The following FBXO25 variants were observed in gnomAD, a reference collection of about 807,000 sequenced individuals.
The protein encoded by FBXO25 is F-box protein 25.
FBXO25 carries 45 observed loss-of-function variants against 51.9 expected under a neutral mutation model. The ratio of observed to expected loss-of-function variants is 0.87; its 90% confidence interval spans 0.68 to 1.11. The LOEUF (loss-of-function observed/expected upper bound fraction) is 1.11. Among genes scored for constraint, FBXO25 ranks in the 50% most tolerant of loss-of-function variants. The pLI, the probability that FBXO25 is intolerant of heterozygous loss-of-function variation, is 0.00. For synonymous variants in FBXO25, 199 were observed against 151.0 expected, an observed-to-expected ratio of 1.32 and a Z score of -2.33; for missense variants, 507 against 428.5, an observed-to-expected ratio of 1.18 and a Z score of -1.62.
intron 5 of FBXO25, among the ~76,000 whole-genome samples, chr8:439,330 G>A (rs1292365814): frequency 1.3e-5 from 2 of 152,184 alleles, no homozygotes; most frequent in African/African-American, 2.4e-5. Context: ...AGTGCACGGC[G>A]TGAAAGCTTC....
At position 459,683 on chromosome 8, in the gene FBXO25, A is replaced by G. The variant is rs181629303; in HGVS notation, c.843+1132A>G. Among the ~76,000 whole-genome samples, 47 of 152,298 alleles carry G rather than the reference A, an allele frequency of 3.1e-4. 1 individual carries two copies. The East Asian group carries it at 6.4e-3, about 21-fold the overall frequency. ...GCCACAGGAAGGGGCTGGCCTGAAC[A>G]TGGGCCTCACGGAGTGTGTCTGAGA... On this transcript the variant is annotated intron_variant, in intron 8 of 9. Transcript: ENST00000350302.
intron 2 of FBXO25, among the ~76,000 whole-genome samples, chr8:413,672 G>A (rs796697899): frequency 8.5e-5 from 13 of 152,296 alleles, no homozygotes; most frequent in African/African-American, 3.1e-4. Flanking sequence ...CAAGAGTGCA[G>A]CCTTACCTGC....
At chr8:410,405 A>T (rs545628616) in intron 1 of FBXO25, among the ~76,000 whole-genome samples, 12 of 151,886 alleles carry the variant, frequency 7.9e-5, no homozygotes, top group Admixed American at 6.6e-4. Flanking sequence ...TCTGTTAGCA[A>T]TATTTTTCAG....
At chr8:431,625 A>C (rs1430910048) in intron 3 of FBXO25, among the ~76,000 whole-genome samples, 181 bp downstream of exon 3, 2 of 152,218 alleles carry the variant, frequency 1.3e-5, no homozygotes, top group Non-Finnish European at 2.9e-5. Context: ...TCAGTGGGTA[A>C]GATGTGCAAA....
rs746124972 is a variant in FBXO25 at position 468,696 on chromosome 8, A to G, written c.988-19A>G. On this transcript the variant is annotated intron_variant, in intron 9 of 9. Transcript: ENST00000350302. Reference sequence around the variant, plus strand: ...CTGGTGGTGGGGCCCCCTCCTAACCATCTCCCACCTCCCCACAGGACTCAG... The same window carrying G: ...CTGGTGGTGGGGCCCCCTCCTAACCGTCTCCCACCTCCCCACAGGACTCAG... 35 of 1,609,016 alleles carry G rather than the reference A, an allele frequency of 2.2e-5. No individual in the cohort carries two copies. Among genetic ancestry groups the G allele is most frequent in the Admixed American group, 3.4e-5 (2 of 59,674 alleles).
At chr8:449,075 G>T (rs1798911625) in intron 5 of FBXO25, among the ~76,000 whole-genome samples, 1 of 146,410 alleles carries the variant, frequency 6.8e-6, no homozygotes, top group Admixed American at 6.8e-5. Flanking sequence ...ATAACCTGAA[G>T]GCTGGTAAAA....
chr8:418,969 A>G (rs1796984785), intron 2 of FBXO25, among the ~76,000 whole-genome samples: 1 of 152,228 alleles, frequency 6.6e-6, no homozygotes, highest in Admixed American at 6.5e-5. Flanking sequence ...CACAATGTAA[A>G]GTAGGCAGAT....
intron 2 of FBXO25, among the ~76,000 whole-genome samples, chr8:429,234 C>T (rs1197020103): frequency 1.3e-5 from 2 of 152,088 alleles, no homozygotes; most frequent in Non-Finnish European, 2.9e-5. Flanking sequence ...TTGCCAGTAG[C>T]CTCATAATGA....
At chr8:445,220 A>G (rs1798665598) in intron 5 of FBXO25, among the ~76,000 whole-genome samples, 1 of 152,180 alleles carries the variant, frequency 6.6e-6, no homozygotes, top group Admixed American at 6.5e-5. Flanking sequence ...GTCTAAACTG[A>G]CCGTGCTAAG....
chr8:441,851 A>G (rs1051332672), intron 5 of FBXO25, among the ~76,000 whole-genome samples: 7 of 152,238 alleles, frequency 4.6e-5, no homozygotes, highest in Non-Finnish European at 8.8e-5. Context: ...TTAAAAAGTC[A>G]GGAAACAACA....
At position 469,175 on chromosome 8, in the gene FBXO25, T is replaced by C. The variant is rs1800387520; in HGVS notation, c.*371T>C. The C allele has an allele frequency of 5.7e-6, 1 of 175,992 alleles. No homozygotes were observed. Among genetic ancestry groups the C allele is most frequent in the South Asian group, 1.8e-4 (1 of 5,490 alleles). The allele number at this position is 175,992 out of a possible 1,614,324, so 10.9% of individuals were successfully genotyped here. On this transcript the variant is annotated 3_prime_UTR_variant, in exon 10 of 10. Transcript: ENST00000350302. ...TAATTATCAAATTATAGTTTCCCAA[T>C]TGGGAAACTAATTGGGGGTGGGTTA...
chr8:458,258 C>G, intron 7 of FBXO25, 111 bp from the exon 8 acceptor site: 4 of 1,264,314 alleles, frequency 3.2e-6, no homozygotes. Context: ...ATGGAGAGCT[C>G]TTTTTGTGTT....
intron 8 of FBXO25, among the ~76,000 whole-genome samples, chr8:461,927 AG>A (rs1468371761): frequency 6.6e-6 from 1 of 152,204 alleles, no homozygotes; most frequent in East Asian, 1.9e-4. Flanking sequence ...GTTTGATAAA[AG>A]TTTGTGGCTT....
intron 5 of FBXO25, among the ~76,000 whole-genome samples, chr8:442,249 A>C (rs1404731259): frequency 6.6e-6 from 1 of 151,870 alleles, no homozygotes; most frequent in Non-Finnish European, 1.5e-5. Flanking sequence ...ATACAAACCA[A>C]CTATTGTATA....
At chr8:466,244 G>T (rs1800153073) in intron 9 of FBXO25, among the ~76,000 whole-genome samples, 1 of 152,240 alleles carries the variant, frequency 6.6e-6, no homozygotes, top group Non-Finnish European at 1.5e-5. Flanking sequence ...GGTTTGCCCA[G>T]TGTGGCTAAC....
rs887741891 is a variant in FBXO25, at chr8:474,542, G to C, written c.*5738G>C. The C allele has an allele frequency of 5.7e-6, 2 of 347,946 alleles. No individual in the cohort carries two copies. The highest frequency in any genetic ancestry group is 8.0e-5 in the East Asian group (1 of 12,560). 21.6% of individuals were successfully genotyped at this position (347,946 alleles called of 1,614,324 possible). ...AAGGTTCCAGTTTTGCCACATCCTT[G>C]CCAACACCTGTTTTTAATAATTGCC... On this transcript the variant is annotated 3_prime_UTR_variant, in exon 10 of 10. Transcript: ENST00000350302.
intron 9 of FBXO25, 57 bp from the exon 10 acceptor site, chr8:468,658 C>T: frequency 7.2e-7 from 1 of 1,379,450 alleles, no homozygotes; most frequent in Non-Finnish European, 1.0e-6. Context: ...CAAGCACCAT[C>T]ACTAGAGTGT....
intron 4 of FBXO25, among the ~76,000 whole-genome samples, chr8:433,754 G>C (rs1274622645): frequency 2.0e-5 from 3 of 152,184 alleles, no homozygotes; most frequent in Non-Finnish European, 4.4e-5. Context: ...TTCAGGGTAA[G>C]TTAAATATTC....
chr8:467,947 G>A (rs555632434), intron 9 of FBXO25: 2 of 1,418,060 alleles, frequency 1.4e-6, no homozygotes, highest in East Asian at 2.6e-5. Flanking sequence ...GAAATATTTT[G>A]CAGAACAACA....
Sources: allele counts gnomAD v4.1 joint callset (sites outside exome capture counted in the v4.1 genomes callset), GRCh38; gene constraint gnomAD v4.1.1; transcripts MANE v1.5; gene names NCBI Gene and HGNC (gene_info 2026-07-23, HGNC 2026-07-21).